CLVS1: variants seen among roughly 807,000 people sequenced by gnomAD.
CLVS1 encodes the protein clavesin 1.
A neutral mutation model predicts 33.1 loss-of-function variants in CLVS1; 10 were observed. The observed-to-expected ratio is 0.30, with a 90% CI of 0.19 to 0.51. CLVS1 has a LOEUF of 0.51. Ranked by LOEUF, CLVS1 falls within the 20% of genes least tolerant of loss-of-function variation. CLVS1 has a pLI of 0.97. For missense variants in CLVS1, 343 were observed against 433.4 expected (o/e 0.79, Z 1.85); for synonymous variants, 163 against 166.1 (o/e 0.98, Z 0.14).
chr8:61,091,597 T>C (rs2129284561), intron 1 of CLVS1, among the ~76,000 whole-genome samples: 1 of 152,308 alleles, frequency 6.6e-6, no homozygotes, highest in Admixed American at 6.5e-5. Flanking sequence ...AAAATAATAT[T>C]TTTAAACAAA....
In CLVS1 at chr8:61,477,265, T is replaced by G. The variant is rs192960067; in HGVS notation, c.977+18723T>G. On this transcript the variant is annotated intron_variant, in intron 5 of 5. Transcript: ENST00000325897. ...ATATTGGTCTAAAATTCTCTTTTTT[T>G]TTGTTGTGTCTCTGCCAGGCTTTGG... is the stretch of plus-strand genomic sequence containing the variant. 6.9e-3 allele frequency among the ~76,000 whole-genome samples: 1,048 copies of G among 152,304 alleles called. 4 individuals carry two copies. Among genetic ancestry groups the G allele is most frequent in the African/African-American group, 0.012 (518 of 41,564 alleles).
intron 2 of CLVS1, among the ~76,000 whole-genome samples, chr8:61,143,232 G>C (rs114367166): frequency 2.6e-5 from 4 of 152,190 alleles, no homozygotes; most frequent in African/African-American, 9.7e-5. Context: ...TAGACAGGTA[G>C]AGTCAAGGAA....
Position 61,193,518 on chromosome 8 carries a change from T to TA in CLVS1, c.-152+61668dup, listed in dbSNP as rs71245564. On this transcript the variant is annotated intron_variant, in intron 2 of 2. Transcript: ENST00000522621. ...ATGTGCCCTAGAACTTAAAGTATAATAAAAAAAAAAGAAAAACTCTTCAAA... is the reference window on the plus strand; with the variant it reads ...ATGTGCCCTAGAACTTAAAGTATAATAAAAAAAAAAAGAAAAACTCTTCAAA... 3.4e-3 allele frequency among the ~76,000 whole-genome samples: 511 copies of TA among 148,844 alleles called. 2 individuals are homozygous for TA. Among genetic ancestry groups the TA allele is most frequent in the South Asian group, 3.7e-3 (17 of 4,642 alleles).
chr8:61,391,974 C>T (rs1247305560), intron 3 of CLVS1, among the ~76,000 whole-genome samples: 1 of 152,092 alleles, frequency 6.6e-6, no homozygotes, highest in Non-Finnish European at 1.5e-5. Flanking sequence ...TACTTTGGTA[C>T]AAAGTTCAAT....
the CLVS1 span, among the ~76,000 whole-genome samples, chr8:61,042,186 A>G: frequency 6.6e-6 from 1 of 152,252 alleles, no homozygotes; most frequent in Admixed American, 6.5e-5. Context: ...CAAAATGAGG[A>G]GAACTCTCTC....
At chr8:61,424,011 C>G (rs1815782746) in intron 3 of CLVS1, among the ~76,000 whole-genome samples, 1 of 151,924 alleles carries the variant, frequency 6.6e-6, no homozygotes, top group Non-Finnish European at 1.5e-5. Flanking sequence ...AATTTATAAC[C>G]TCTATCTTCA....
intron 2 of CLVS1, among the ~76,000 whole-genome samples, chr8:61,358,874 A>G (rs187505700): frequency 1.3e-5 from 2 of 152,328 alleles, no homozygotes; most frequent in African/African-American, 4.8e-5. Flanking sequence ...TTATTTAAGT[A>G]TATTTAAATG....
chr8:61,498,228 T>C (rs1804336978), intron 5 of CLVS1, among the ~76,000 whole-genome samples: 1 of 152,130 alleles, frequency 6.6e-6, no homozygotes, highest in Non-Finnish European at 1.5e-5. Flanking sequence ...AGCCCAGACA[T>C]ACAAAACCAA....
At chr8:60,986,878 C>G in the CLVS1 span, among the ~76,000 whole-genome samples, 4 of 152,206 alleles carry the variant, frequency 2.6e-5, no homozygotes, top group Non-Finnish European at 5.9e-5. Context: ...TATCATTCCT[C>G]AAACTGAATA....
At chr8:61,469,019 G>A (rs3959788) in intron 5 of CLVS1, among the ~76,000 whole-genome samples, 131,470 of 152,174 alleles carry the variant, frequency 0.86, 57,029 homozygotes, top group Middle Eastern at 0.92. Context: ...AAGCAGAGGT[G>A]GAGTGACCTC....
At chr8:61,177,100 A>G (rs1370926247) in intron 2 of CLVS1, among the ~76,000 whole-genome samples, 1 of 152,122 alleles carries the variant, frequency 6.6e-6, no homozygotes, top group African/African-American at 2.4e-5. Flanking sequence ...GGGCAAAGGA[A>G]TGGCGGCAGC....
At chr8:61,137,689 A>G (rs1221693252) in intron 2 of CLVS1, among the ~76,000 whole-genome samples, 3 of 152,116 alleles carry the variant, frequency 2.0e-5, no homozygotes, top group African/African-American at 7.2e-5. Flanking sequence ...TCCTCCTCCA[A>G]TAATAACCTC....
chr8:61,439,662 G>A (rs1424669422), intron 3 of CLVS1, among the ~76,000 whole-genome samples: 2 of 152,220 alleles, frequency 1.3e-5, no homozygotes, highest in Non-Finnish European at 2.9e-5. Context: ...TACCAGGAAT[G>A]AGGCAGATAA....
At chr8:61,431,346 C>T (rs1008591912) in intron 3 of CLVS1, among the ~76,000 whole-genome samples, 1 of 152,240 alleles carries the variant, frequency 6.6e-6, no homozygotes, top group Non-Finnish European at 1.5e-5. Flanking sequence ...AGTCTACAGA[C>T]ATATCCCTTT....
chr8:61,191,533 G>A (rs1190536519), intron 2 of CLVS1, among the ~76,000 whole-genome samples: 2 of 152,130 alleles, frequency 1.3e-5, no homozygotes, highest in African/African-American at 4.8e-5. Context: ...AGGGCAATTA[G>A]GCAGGAGAAA....
chr8:61,190,045 T>C (rs1403257122), intron 2 of CLVS1, among the ~76,000 whole-genome samples: 1 of 152,152 alleles, frequency 6.6e-6, no homozygotes, highest in Non-Finnish European at 1.5e-5. Context: ...TACAGAAGTC[T>C]CCACCCCAAA....
At chr8:61,286,687 A>G (rs773521801), upstream of CLVS1, among the ~76,000 whole-genome samples, 1 of 152,250 alleles carries the variant, frequency 6.6e-6, no homozygotes, top group African/African-American at 2.4e-5. Flanking sequence ...GAGTTGGAAG[A>G]ATTCTGATGA....
intron 2 of CLVS1, among the ~76,000 whole-genome samples, chr8:61,234,513 G>T (rs958712541): frequency 2.0e-5 from 3 of 152,096 alleles, no homozygotes; most frequent in Non-Finnish European, 2.9e-5. Flanking sequence ...AATGAGCCAG[G>T]GAGATCCAAT....
intron 2 of CLVS1, among the ~76,000 whole-genome samples, chr8:61,241,693 T>A (rs1451618518): frequency 6.6e-6 from 1 of 152,238 alleles, no homozygotes; most frequent in Non-Finnish European, 1.5e-5. Context: ...TGCTTTAAAA[T>A]GAGCGTATAT....
Sources: allele counts gnomAD v4.1 joint callset (sites outside exome capture counted in the v4.1 genomes callset), GRCh38; gene constraint gnomAD v4.1.1; transcripts MANE v1.5; gene names NCBI Gene and HGNC (gene_info 2026-07-23, HGNC 2026-07-21).